ZNF213: variants seen among roughly 807,000 people sequenced by gnomAD.
ZNF213 encodes zinc finger protein 213.
ZNF213 carries 32 observed loss-of-function variants against 46.0 expected under a neutral mutation model. That is an observed-to-expected ratio of 0.70 (90% CI 0.52 to 0.93). The LOEUF (loss-of-function observed/expected upper bound fraction) is 0.93. Among genes scored for constraint, ZNF213 ranks in the 40% least tolerant of loss-of-function variants. The probability of loss-of-function intolerance (pLI) is 0.00; values close to 1 mark genes in which losing one functional copy is unlikely to be tolerated. For missense variants in ZNF213, 639 were observed against 652.8 expected (o/e 0.98, Z 0.23); for synonymous variants, 297 against 271.0 (o/e 1.10, Z -0.94).
Position 3,141,320 on chromosome 16 carries a change from C to A in ZNF213, c.1353C>A (p.His451Gln). 1.9e-6 allele frequency: 3 copies of A among 1,580,494 alleles called. No individual in the cohort carries two copies. The highest frequency in any genetic ancestry group is 2.6e-6 in the Non-Finnish European group (3 of 1,164,686). ...ACCTCATCGCGCATCAGAGCCTGCA[C>A]GCCAAGATGGCCCAGCCCGTGGGGT... is the stretch of plus-strand genomic sequence containing the variant. ...RAHLIAHQSL[H>Q]AKMAQPVG Residue 451 changes from histidine to glutamine, a missense_variant, in exon 6 of 6, where the codon CAC becomes CAA. Coordinates refer to ENST00000396878, the MANE Select transcript of ZNF213 (RefSeq NM_004220.3).
In ZNF213 at chr16:3,141,050, G is replaced by A. The variant is rs111828187; in HGVS notation, c.1083G>A (p.Val361=). ...DKSFRSSSDL[V]RHQGVHTGEK... Reference sequence around the variant, plus strand: ...GCTTCCGCAGCTCCTCGGACCTGGTGCGCCACCAAGGCGTGCACACGGGCG... The same window carrying A: ...GCTTCCGCAGCTCCTCGGACCTGGTACGCCACCAAGGCGTGCACACGGGCG... The change falls in exon 6 of 6, where the codon GTG becomes GTA. Residue 361 remains valine, a synonymous_variant. Coordinates refer to ENST00000396878, the MANE Select transcript of ZNF213 (RefSeq NM_004220.3). 2.2e-5 allele frequency: 35 copies of A among 1,613,118 alleles called. 3 individuals carry two copies. In the African/African-American group the frequency reaches 2.4e-4, roughly 11 times the overall value.
rs1481114823 is a variant in ZNF213, at chr16:3,142,544, CCAA to C, written c.*1199_*1201del. The C allele has an allele frequency of 1.6e-4, 28 of 172,532 alleles. No individual in the cohort carries two copies. Among genetic ancestry groups the C allele is most frequent in the South Asian group, 4.5e-4 (5 of 11,082 alleles). The allele number at this position is 172,532 out of a possible 1,614,324, so 10.7% of individuals were successfully genotyped here. A position where few individuals can be genotyped will look rare whatever the true frequency, so the allele number is the denominator to read the frequency against. On this transcript the variant is annotated 3_prime_UTR_variant, in exon 6 of 6. Coordinates refer to ENST00000396878, the MANE Select transcript of ZNF213 (RefSeq NM_004220.3). ...TGCTCCATCATCACTACGTCCAGCTCCAACGGCACTGGTGCCCCATTCCATCGG... is the reference window on the plus strand; with the variant it reads ...TGCTCCATCATCACTACGTCCAGCTCCGGCACTGGTGCCCCATTCCATCGG...
Position 3,137,508 on chromosome 16 carries a change from C to G in ZNF213, c.228C>G (p.Pro76=). The change falls in exon 2 of 6, where the codon CCC becomes CCG. Residue 76 remains proline (P), a synonymous_variant. Coordinates refer to ENST00000396878, the MANE Select transcript of ZNF213 (RefSeq NM_004220.3). ...LWELCCRWLR[P]ELRTKEQILE... ...AGCTCTGCTGCCGCTGGCTGCGGCC[C>G]GAGCTGCGTACCAAGGAGCAGATCC... 1.9e-6 allele frequency: 3 copies of G among 1,613,986 alleles called. No individual in the cohort carries two copies. The South Asian group carries it at 3.3e-5, about 18-fold the overall frequency.
rs982244851 is a variant in ZNF213, at chr16:3,141,553, C to T, written c.*206C>T. ...GGAACGGAAGCCTTCCCCTCCCGCC[C>T]CCGATCTTGTCCTCTTTCCCCCTTC... On this transcript the variant is annotated 3_prime_UTR_variant, in exon 6 of 6. Transcript: ENST00000396878. The T allele has an allele frequency of 5.3e-6, 3 of 564,840 alleles. No individual in the cohort carries two copies. The highest frequency in any genetic ancestry group is 3.8e-5 in the African/African-American group (2 of 52,256). 35.0% of individuals were successfully genotyped at this position (564,840 alleles called of 1,614,324 possible).
chr16:3,136,070 A>G (rs1036423798), intron 1 of ZNF213, among the ~76,000 whole-genome samples: 4 of 152,044 alleles, frequency 2.6e-5, no homozygotes, highest in South Asian at 2.1e-4. Flanking sequence ...GCCTCAAGCA[A>G]TCATCCTGTG....
At chr16:3,138,924 C>T (rs779295213) in intron 4 of ZNF213, 51 bp from the exon 5 acceptor site, 1 of 1,613,836 alleles carries the variant, frequency 6.2e-7, no homozygotes, top group African/African-American at 1.3e-5. Context: ...CCATCCTGTC[C>T]CCGCCAGTGC....
chr16:3,137,632 G>T lies in ZNF213; in HGVS notation c.352G>T (p.Ala118Ser). The change falls in exon 2 of 6, where the codon GCC (alanine) becomes TCC (serine). Residue 118 changes from alanine (A) to serine (S), a missense_variant. Physicochemically the swap from Ala to Ser is moderately conservative, Grantham distance 99. Coordinates refer to ENST00000396878, the MANE Select transcript of ZNF213 (RefSeq NM_004220.3). ...CCCGGGAAGCGGTGAGGAGGCTGTC[G>T]CCTTGGTGGAGGACCTACAGAAGCA... ...QHPGSGEEAV[A>S]LVEDLQKQPV... 1 of 1,613,854 alleles carries T rather than the reference G, an allele frequency of 6.2e-7. No individual in the cohort carries two copies. Among genetic ancestry groups the T allele is most frequent in the Non-Finnish European group, 8.5e-7 (1 of 1,180,012 alleles).
At position 3,141,084 on chromosome 16, in the gene ZNF213, T is replaced by C. The variant is rs753597802; in HGVS notation, c.1117T>C (p.Phe373Leu). 1 of 1,612,918 alleles carries C rather than the reference T, an allele frequency of 6.2e-7. No individual in the cohort carries two copies. The highest frequency in any genetic ancestry group is 8.5e-7 in the Non-Finnish European group (1 of 1,179,790). Residue 373 changes from phenylalanine (F) to leucine (L), a missense_variant, in exon 6 of 6, where the codon TTC becomes CTC. Phe to Leu is a conservative substitution (Grantham distance 22). Coordinates refer to ENST00000396878, the MANE Select transcript of ZNF213 (RefSeq NM_004220.3). ...HQGVHTGEKP[F>L]SCSECGKSFS... is the part of the protein sequence containing the mutation. ...AGGCGTGCACACGGGCGAGAAGCCC[T>C]TCTCCTGTTCCGAGTGCGGCAAGAG...
chr16:3,142,182 G>C lies in ZNF213; in HGVS notation c.*835G>C, dbSNP rs945055604. ...ATCAGCACTAGCACCTCACTCCATC[G>C]GCCCCGGCACCCTGCTCCATCGGCA... is the stretch of plus-strand genomic sequence containing the variant. On this transcript the variant is annotated 3_prime_UTR_variant, in exon 6 of 6. Coordinates refer to ENST00000396878, the MANE Select transcript of ZNF213 (RefSeq NM_004220.3). The C allele has an allele frequency of 8.0e-5, 17 of 213,238 alleles. No homozygotes were observed. The highest frequency in any genetic ancestry group is 1.2e-4 in the African/African-American group (5 of 42,156). The allele number at this position is 213,238 out of a possible 1,614,324, so 13.2% of individuals were successfully genotyped here.
chr16:3,137,479 T>C lies in ZNF213; in HGVS notation c.199T>C (p.Trp67Arg). ...GCCTCATGAGGCCTTCAGCCAGCTC[T>C]GGGAGCTCTGCTGCCGCTGGCTGCG... Reference protein sequence around the residue: ...HGPHEAFSQLWELCCRWLRPE... With the variant: ...HGPHEAFSQLRELCCRWLRPE... Residue 67 changes from tryptophan to arginine, a missense_variant, in exon 2 of 6, where the codon TGG becomes CGG. Physicochemically the swap from Trp to Arg is moderately radical, Grantham distance 101 (BLOSUM62 -3). Transcript: ENST00000396878. 6.2e-7 allele frequency: 1 copy of C among 1,613,952 alleles called. No individual in the cohort carries two copies. Among genetic ancestry groups the C allele is most frequent in the Non-Finnish European group, 8.5e-7 (1 of 1,180,042 alleles).
rs950340693 is a variant in ZNF213, at chr16:3,135,260, G to C, written c.-243G>C. On this transcript the variant is annotated 5_prime_UTR_variant, in exon 1 of 6. Transcript: ENST00000396878. Reference sequence around the variant, plus strand: ...AAGTGCTGGTCCCCCGCGCCGCTCTGCCAGCTTGGTCCCCCGGCAGACGCC... The same window carrying C: ...AAGTGCTGGTCCCCCGCGCCGCTCTCCCAGCTTGGTCCCCCGGCAGACGCC... The C allele has an allele frequency of 6.5e-6, 1 of 152,710 alleles. No individual in the cohort carries two copies. The highest frequency in any genetic ancestry group is 1.5e-5 in the Non-Finnish European group (1 of 68,088). 9.5% of individuals were successfully genotyped at this position (152,710 alleles called of 1,614,324 possible).
intron 4 of ZNF213, 60 bp downstream of exon 4, chr16:3,138,878 G>A: frequency 6.2e-7 from 1 of 1,613,646 alleles, no homozygotes; most frequent in Non-Finnish European, 8.5e-7. Flanking sequence ...TTTGTAAAAT[G>A]GGACTTGCTG....
rs771108568 is a variant in ZNF213 at position 3,140,873 on chromosome 16, C to G, written c.906C>G (p.Pro302=). The part of the protein sequence containing the change: ...PVVGARRGRP[P]TRRRQFRDLA... ...TGGGCGCGCGACGGGGGCGGCCACC[C>G]ACTCGCCGGCGCCAGTTCCGGGACC... Residue 302 remains proline (P), a synonymous_variant, in exon 6 of 6, where the codon CCC becomes CCG. Coordinates refer to ENST00000396878, the MANE Select transcript of ZNF213 (RefSeq NM_004220.3). The G allele has an allele frequency of 1.9e-6, 3 of 1,575,160 alleles. No homozygotes were observed. The Admixed American group carries it at 5.5e-5, about 29-fold the overall frequency.
At position 3,140,835 on chromosome 16, in the gene ZNF213, C is replaced by T; in HGVS notation, c.868C>T (p.Leu290=). 1 of 1,591,184 alleles carries T rather than the reference C, an allele frequency of 6.3e-7. No individual in the cohort carries two copies. Among genetic ancestry groups the T allele is most frequent in the Non-Finnish European group, 8.5e-7 (1 of 1,172,000 alleles). ...GAGCGAGAACCGGCCGAGGGCGGCC[C>T]TGGGCCCAGTGGTGGGCGCGCGACG... ...WESENRPRAA[L]GPVVGARRGR... The change falls in exon 6 of 6, where the codon CTG becomes TTG. Residue 290 remains leucine, a synonymous_variant. Coordinates refer to ENST00000396878, the MANE Select transcript of ZNF213 (RefSeq NM_004220.3).
intron 5 of ZNF213, chr16:3,140,440 C>T (rs1379206351): frequency 7.2e-6 from 3 of 416,442 alleles, no homozygotes; most frequent in African/African-American, 6.2e-5. Flanking sequence ...CCAGGCTGGT[C>T]TCGAACTCCT....
rs1462351261 is a variant in ZNF213, at chr16:3,138,735, TCTC to T, written c.524-7_524-5del. 1.2e-6 allele frequency: 2 copies of T among 1,613,996 alleles called. No homozygotes were observed. Among genetic ancestry groups the T allele is most frequent in the Non-Finnish European group, 1.7e-6 (2 of 1,179,996 alleles). ...GCTGGCCTTTCTAAGGCTCCATTCT[TCTC>T]CTTCAGCCCAGCCTCCTGCTCTTCT... On this transcript the variant is annotated splice_region_variant and splice_polypyrimidine_tract_variant and intron_variant, in intron 3 of 5. Transcript: ENST00000396878.
Position 3,142,540 on chromosome 16 carries a change from A to G in ZNF213, c.*1193A>G, listed in dbSNP as rs187702245. 325 of 173,282 alleles carry G rather than the reference A, an allele frequency of 1.9e-3. 4 individuals are homozygous for G. Among genetic ancestry groups the G allele is most frequent in the Admixed American group, 8.3e-3 (127 of 15,330 alleles). The allele number at this position is 173,282 out of a possible 1,614,324, so 10.7% of individuals were successfully genotyped here. A position where few individuals can be genotyped will look rare whatever the true frequency, so the allele number is the denominator to read the frequency against. ...ACCCTGCTCCATCATCACTACGTCC[A>G]GCTCCAACGGCACTGGTGCCCCATT... On this transcript the variant is annotated 3_prime_UTR_variant, in exon 6 of 6. Transcript: ENST00000396878.
chr16:3,139,039 C>A lies in ZNF213; in HGVS notation c.662C>A (p.Pro221His). 6.2e-7 allele frequency: 1 copy of A among 1,614,174 alleles called. No homozygotes were observed. The highest frequency in any genetic ancestry group is 8.5e-7 in the Non-Finnish European group (1 of 1,180,020). Residue 221 changes from proline (P) to histidine (H), a missense_variant, in exon 5 of 6, where the codon CCT (proline) becomes CAT (histidine). Pro to His is a moderately conservative substitution (Grantham distance 77, BLOSUM62 -2). Coordinates refer to ENST00000396878, the MANE Select transcript of ZNF213 (RefSeq NM_004220.3). Reference protein sequence around the residue: ...FSREEWGTLDPAQRDLFWDIK... With the variant: ...FSREEWGTLDHAQRDLFWDIK... ...CGGGAAGAATGGGGCACCCTGGACC[C>A]TGCTCAGCGGGATCTCTTCTGGGAC...
At position 3,141,521 on chromosome 16, in the gene ZNF213, C is replaced by G. The variant is rs994980580; in HGVS notation, c.*174C>G. On this transcript the variant is annotated 3_prime_UTR_variant, in exon 6 of 6. Transcript: ENST00000396878. ...CTTGGCTCTGAGGACCTGCCCAGCG[C>G]TCAAAGGGAACGGAAGCCTTCCCCT... is the stretch of plus-strand genomic sequence containing the variant. 1.4e-6 allele frequency: 1 copy of G among 703,368 alleles called. No homozygotes were observed. The highest frequency in any genetic ancestry group is 2.2e-6 in the Non-Finnish European group (1 of 446,780). The allele number at this position is 703,368 out of a possible 1,614,324, so 43.6% of individuals were successfully genotyped here.
Sources: gnomAD v4.1 joint callset for allele counts (sites outside exome capture counted in the v4.1 genomes callset) on GRCh38, gnomAD v4.1.1 for gene constraint, MANE v1.5 for transcripts, NCBI Gene and HGNC (gene_info 2026-07-23, HGNC 2026-07-21) for gene names.